FAM13B: variants seen among roughly 807,000 people sequenced by gnomAD.
The protein encoded by FAM13B is protein FAM13B.
In FAM13B, 60 loss-of-function variants were observed where a neutral mutation model predicts 117.3. The ratio of observed to expected loss-of-function variants is 0.51; its 90% confidence interval spans 0.42 to 0.63. The LOEUF (loss-of-function observed/expected upper bound fraction) is 0.63, where lower values mean the gene tolerates loss of function less well. Among genes scored for constraint, FAM13B ranks in the 30% least tolerant of loss-of-function variants. FAM13B has a pLI of 0.00. For synonymous variants in FAM13B, 332 were observed against 356.1 expected (o/e 0.93, Z 0.76); for missense variants, 972 against 1,091.9 (o/e 0.89, Z 1.55).
chr5:137,951,985 T>G (rs934028958), intron 17 of FAM13B, among the ~76,000 whole-genome samples: 3 of 151,966 alleles, frequency 2.0e-5, no homozygotes, highest in Admixed American at 6.6e-5. Context: ...TCGAAAAAAT[T>G]AGAAATAAAA....
Position 137,988,290 on chromosome 5 carries a change from G to C in FAM13B, c.874C>G (p.Leu292Val). The C allele has an allele frequency of 6.4e-7, 1 of 1,555,668 alleles. No homozygotes were observed. Among genetic ancestry groups the C allele is most frequent in the Non-Finnish European group, 8.6e-7 (1 of 1,161,714 alleles). ...TSTHISPISILPASTDILERT... is the reference protein window; with the variant it reads ...TSTHISPISIVPASTDILERT... ...ACTACTTACTCTGTAGAGGCTGGTAGGATGCTGATGGGAGATATATGGGTG... is the reference window on the plus strand; with the variant it reads ...ACTACTTACTCTGTAGAGGCTGGTACGATGCTGATGGGAGATATATGGGTG... The change falls in exon 8 of 24, where the codon CTA becomes GTA. Residue 292 changes from leucine (L) to valine (V), a missense_variant. By Grantham distance (32) the Leu-to-Val change is conservative (BLOSUM62 1). Transcript: ENST00000689681.
Position 138,026,861 on chromosome 5 carries a change from C to A in FAM13B, c.-202-5664G>T, listed in dbSNP as rs751212873. Among the ~76,000 whole-genome samples the A allele has an allele frequency of 3.8e-4, 57 of 151,426 alleles. 1 individual carries two copies. The highest frequency in any genetic ancestry group is 1.3e-4 in the Non-Finnish European group (9 of 67,894). The stretch of plus-strand genomic sequence containing the variant: ...GGCTGAGACAGGAGAATCGCTTGAA[C>A]CCGGGAGGCGGAGGTTACAGTGAGC... On this transcript the variant is annotated intron_variant, in intron 1 of 23. Transcript: ENST00000689681.
intron 10 of FAM13B, among the ~76,000 whole-genome samples, chr5:137,971,540 C>A (rs1382964835): frequency 6.7e-6 from 1 of 148,632 alleles, no homozygotes; most frequent in Non-Finnish European, 1.5e-5. Flanking sequence ...CCTAACATCA[C>A]AATTAAAAGA....
intron 23 of FAM13B, 79 bp downstream of exon 23, chr5:137,941,865 C>A: frequency 8.5e-7 from 1 of 1,183,412 alleles, no homozygotes; most frequent in African/African-American, 1.5e-5. Flanking sequence ...TCTAATCCCA[C>A]GTATTCCATT....
intron 4 of FAM13B, among the ~76,000 whole-genome samples, chr5:138,015,357 T>C (rs905804895): frequency 6.6e-6 from 1 of 152,262 alleles, no homozygotes; most frequent in Non-Finnish European, 1.5e-5. Context: ...TCTTCCATGA[T>C]CTTAAAAGCA....
intron 22 of FAM13B, chr5:137,942,484 C>A (rs1762150523): frequency 4.8e-6 from 1 of 207,326 alleles, no homozygotes; most frequent in Non-Finnish European, 9.6e-6. Context: ...CCTCAGCCTC[C>A]CAAGTATCTG....
At chr5:137,975,813 C>G (rs529058822) in intron 10 of FAM13B, among the ~76,000 whole-genome samples, 1 of 151,698 alleles carries the variant, frequency 6.6e-6, no homozygotes, top group Non-Finnish European at 1.5e-5. Context: ...CCCCTAACTA[C>G]CCTGGGTTTT....
chr5:138,002,404 G>A (rs555320785), intron 7 of FAM13B, among the ~76,000 whole-genome samples: 5 of 151,932 alleles, frequency 3.3e-5, no homozygotes, highest in East Asian at 2.0e-4. Flanking sequence ...GGTGGTGGGC[G>A]CCTGTAATCC....
chr5:137,954,139 T>C (rs1581076375), intron 15 of FAM13B, 27 bp downstream of exon 15: 1 of 1,567,398 alleles, frequency 6.4e-7, no homozygotes, highest in Non-Finnish European at 8.8e-7. Context: ...AGGAATTGCC[T>C]CTTGTAAGTA....
rs572593839 is a variant in FAM13B at position 138,006,914 on chromosome 5, G to A, written c.848+76C>T. On this transcript the variant is annotated intron_variant, in intron 7 of 23. Transcript: ENST00000689681. Reference sequence around the variant, plus strand: ...ACTTTCACATATAGTTACAGTTTGTGTTTCTGAATGCTGGAGTGAGTTTAC... The same window carrying A: ...ACTTTCACATATAGTTACAGTTTGTATTTCTGAATGCTGGAGTGAGTTTAC... The A allele has an allele frequency of 3.5e-5, 47 of 1,360,076 alleles. No individual in the cohort carries two copies. The African/African-American group carries it at 4.7e-4, about 14-fold the overall frequency. The allele number at this position is 1,360,076 out of a possible 1,614,324, so 84.3% of individuals were successfully genotyped here. A position where few individuals can be genotyped will look rare whatever the true frequency, so the allele number is the denominator to read the frequency against.
At chr5:137,944,674 C>T (rs1762925840) in intron 20 of FAM13B, among the ~76,000 whole-genome samples, 1 of 151,602 alleles carries the variant, frequency 6.6e-6, no homozygotes, top group Non-Finnish European at 1.5e-5. Flanking sequence ...TGAAAAATTG[C>T]TTGAACCCGG....
intron 22 of FAM13B, 144 bp downstream of exon 22, chr5:137,942,731 C>T: frequency 1.6e-6 from 1 of 626,500 alleles, no homozygotes; most frequent in South Asian, 3.0e-5. Flanking sequence ...TAAATATTTG[C>T]AAATCACACT....
intron 7 of FAM13B, among the ~76,000 whole-genome samples, chr5:137,991,574 T>A (rs1382361126): frequency 1.3e-5 from 2 of 151,980 alleles, no homozygotes; most frequent in Non-Finnish European, 2.9e-5. Flanking sequence ...CCAAAGTAAA[T>A]AAAATAGTAT....
intron 7 of FAM13B, among the ~76,000 whole-genome samples, chr5:137,997,013 A>T (rs1005612696): frequency 1.3e-5 from 2 of 152,260 alleles, no homozygotes. Context: ...GCATAAATTA[A>T]AAATTACCTA....
chr5:137,946,114 C>T lies in FAM13B; in HGVS notation c.2244+114G>A, dbSNP rs1414547213. On this transcript the variant is annotated intron_variant, in intron 19 of 23. Transcript: ENST00000689681. ...TTATATTAAATACATAGGCAATCCC[C>T]CAATTGTAGGAAATAATGCTCAAAA... 4 of 1,221,054 alleles carry T rather than the reference C, an allele frequency of 3.3e-6. No homozygotes were observed. In the East Asian group the frequency reaches 9.4e-5, roughly 29 times the overall value. The allele number at this position is 1,221,054 out of a possible 1,614,324, so 75.6% of individuals were successfully genotyped here.
At chr5:138,047,712 A>T (rs1401746304) in intron 1 of FAM13B, among the ~76,000 whole-genome samples, 1 of 152,178 alleles carries the variant, frequency 6.6e-6, no homozygotes, top group East Asian at 1.9e-4. Context: ...AAGACACTGG[A>T]GTGACTGGGT....
Position 137,942,829 on chromosome 5 carries a change from C to T in FAM13B, c.2588+46G>A, listed in dbSNP as rs1762259110. On this transcript the variant is annotated intron_variant, in intron 22 of 23. Coordinates refer to ENST00000689681, the MANE Select transcript of FAM13B (RefSeq NM_001385994.1). ...TTAACATCAAATTTCTTGGCATATA[C>T]ATTTTATTATAAAAATAGGCTAAAA... 3 of 1,538,382 alleles carry T rather than the reference C, an allele frequency of 2.0e-6. No homozygotes were observed. The South Asian group carries it at 3.8e-5, about 19-fold the overall frequency.
intron 10 of FAM13B, among the ~76,000 whole-genome samples, chr5:137,983,317 C>A (rs1397002393): frequency 6.7e-6 from 1 of 149,976 alleles, no homozygotes; most frequent in Non-Finnish European, 1.5e-5. Flanking sequence ...AAACATTCAA[C>A]AGACATCACT....
At position 137,945,950 on chromosome 5, in the gene FAM13B, G is replaced by C; in HGVS notation, c.2292C>G (p.Tyr764Ter). 2 of 1,613,564 alleles carry C rather than the reference G, an allele frequency of 1.2e-6. No homozygotes were observed. Among genetic ancestry groups the C allele is most frequent in the Non-Finnish European group, 1.7e-6 (2 of 1,179,750 alleles). Residue 764 changes from tyrosine (Y) to a stop codon, truncating the protein, a stop_gained, in exon 20 of 24, where the codon TAC becomes TAG. Transcript: ENST00000689681. LOFTEE classifies it high-confidence loss of function. ...RHIVKPLYDR[Y>*]RLVKQMLTRA... ...TTGTCAGCATTTGTTTTACAAGCCT[G>C]TATCTATCATAGAGAGGTTTAACAA...
Sources: gnomAD v4.1 joint callset for allele counts (sites outside exome capture counted in the v4.1 genomes callset) on GRCh38, gnomAD v4.1.1 for gene constraint, MANE v1.5 for transcripts, NCBI Gene and HGNC (gene_info 2026-07-23, HGNC 2026-07-21) for gene names.